BTBD10: variants seen among roughly 807,000 people sequenced by gnomAD.
BTBD10 encodes the protein BTB/POZ domain-containing protein 10.
Under a neutral mutation model 53.2 loss-of-function variants are expected in BTBD10, and 21 were observed. That is an observed-to-expected ratio of 0.39 (90% CI 0.28 to 0.57). The LOEUF is 0.57. Ranked by LOEUF, BTBD10 falls within the 20% of genes least tolerant of loss-of-function variation. The pLI is 0.53. For synonymous variants in BTBD10, 149 were observed against 192.7 expected (o/e 0.77, Z 1.88); for missense variants, 360 against 594.7 (o/e 0.61, Z 4.10).
intron 8 of BTBD10, among the ~76,000 whole-genome samples, chr11:13,400,026 C>T (rs1949672044): frequency 2.0e-5 from 3 of 152,234 alleles, no homozygotes; most frequent in Admixed American, 6.5e-5. Flanking sequence ...TCTGCCCGTT[C>T]TCAGATCTCA....
chr11:13,409,981 G>A (rs72870947), intron 6 of BTBD10, among the ~76,000 whole-genome samples: 23,994 of 152,052 alleles, frequency 0.16, 2,081 homozygotes, highest in Admixed American at 0.24. Flanking sequence ...ATGATACAGT[G>A]GACTCTGGGA....
chr11:13,414,153 C>T (rs906525201), intron 5 of BTBD10, among the ~76,000 whole-genome samples: 4 of 151,906 alleles, frequency 2.6e-5, no homozygotes, highest in Non-Finnish European at 5.9e-5. Context: ...TAAGACATAC[C>T]ATTAGATATT....
intron 2 of BTBD10, among the ~76,000 whole-genome samples, chr11:13,436,659 T>G (rs1042540499): frequency 1.3e-5 from 2 of 152,190 alleles, no homozygotes; most frequent in Non-Finnish European, 2.9e-5. Flanking sequence ...GAGCTCATGC[T>G]CCTAACTTCA....
At chr11:13,458,023 T>C (rs942364775) in intron 1 of BTBD10, among the ~76,000 whole-genome samples, 4 of 151,472 alleles carry the variant, frequency 2.6e-5, no homozygotes, top group Non-Finnish European at 5.9e-5. Flanking sequence ...CCATTCAAGC[T>C]GAGTGTGGCG....
In BTBD10 at chr11:13,419,656, T is replaced by G. The variant is rs772752682; in HGVS notation, c.388A>C (p.Ser130Arg). 3.1e-6 allele frequency: 5 copies of G among 1,614,182 alleles called. No homozygotes were observed. In the African/African-American group the frequency reaches 5.3e-5, roughly 17 times the overall value. ...PNGSISSAGNSSRNSSQSSSD... is the reference protein window; with the variant it reads ...PNGSISSAGNRSRNSSQSSSD... ...CTTGACTGACTACTGTTTCTGCTGC[T>G]GTTCCCAGCACTGCTAATGGAACCA... Residue 130 changes from serine to arginine, a missense_variant, in exon 4 of 9, where the codon AGC becomes CGC. This residue lies in a region of BTBD10 where 109 missense variants were observed against 118.6 expected (regional missense o/e 0.92). Transcript: ENST00000278174.
At chr11:13,457,744 T>A (rs1401622809) in intron 1 of BTBD10, among the ~76,000 whole-genome samples, 1 of 152,162 alleles carries the variant, frequency 6.6e-6, no homozygotes, top group Admixed American at 6.5e-5. Context: ...CATAATGACT[T>A]ACATACTCCA....
chr11:13,406,671 C>T (rs979074279), intron 6 of BTBD10, among the ~76,000 whole-genome samples: 1 of 151,100 alleles, frequency 6.6e-6, no homozygotes, highest in Non-Finnish European at 1.5e-5. Context: ...AACTGGAGAA[C>T]TGGAGAAGGG....
At chr11:13,399,648 C>A (rs1949659185) in intron 8 of BTBD10, among the ~76,000 whole-genome samples, 1 of 152,152 alleles carries the variant, frequency 6.6e-6, no homozygotes. Flanking sequence ...TCCGGTTTTG[C>A]TGCTCTGTTT....
At chr11:13,413,728 G>A (rs1950020612) in intron 5 of BTBD10, 78 bp from the exon 6 acceptor site, 1 of 1,381,350 alleles carries the variant, frequency 7.2e-7, no homozygotes, top group Admixed American at 2.3e-5. Flanking sequence ...GGAAGGGCTG[G>A]TAACATTTTC....
At chr11:13,392,332 A>C (rs1220199107) in intron 8 of BTBD10, among the ~76,000 whole-genome samples, 1 of 152,160 alleles carries the variant, frequency 6.6e-6, no homozygotes, top group Non-Finnish European at 1.5e-5. Flanking sequence ...AGGTAGGCAG[A>C]CAGAGTATCA....
chr11:13,457,156 T>C (rs916071958), intron 1 of BTBD10, among the ~76,000 whole-genome samples: 11 of 151,728 alleles, frequency 7.2e-5, no homozygotes, highest in Non-Finnish European at 1.5e-4. Context: ...AGTGAGACCC[T>C]GTCTCAAAAA....
chr11:13,463,215 G>A lies in BTBD10; in HGVS notation c.-181C>T, dbSNP rs1232530110. The A allele has an allele frequency of 1.3e-5, 2 of 152,220 alleles. No homozygotes were observed. The highest frequency in any genetic ancestry group is 2.9e-5 in the Non-Finnish European group (2 of 68,086). 9.4% of individuals were successfully genotyped at this position (152,220 alleles called of 1,614,324 possible). ...GGTGGCTGTGGAGGAAGCCACTGAG[G>A]CGGCTGCGCGTAGCGGAGCCGCCCC... On this transcript the variant is annotated 5_prime_UTR_variant, in exon 1 of 9. Transcript: ENST00000278174.
chr11:13,444,741 G>A (rs1205243934), intron 2 of BTBD10, among the ~76,000 whole-genome samples: 1 of 152,166 alleles, frequency 6.6e-6, no homozygotes, highest in Non-Finnish European at 1.5e-5. Context: ...AACCTGTCAT[G>A]TGAGAGTCCC....
chr11:13,431,815 C>T (rs1456960478), intron 2 of BTBD10, among the ~76,000 whole-genome samples: 1 of 152,054 alleles, frequency 6.6e-6, no homozygotes, highest in Non-Finnish European at 1.5e-5. Flanking sequence ...TTTTCAATGG[C>T]AGGCAGGTTC....
intron 2 of BTBD10, among the ~76,000 whole-genome samples, chr11:13,438,393 CTT>C (rs1023284248): frequency 3.9e-5 from 6 of 151,934 alleles, no homozygotes; most frequent in Admixed American, 1.3e-4. Context: ...TTAAGACATT[CTT>C]TCTTTTTGGA....
At chr11:13,440,087 C>T (rs1421545220) in intron 2 of BTBD10, 2 of 1,523,524 alleles carry the variant, frequency 1.3e-6, no homozygotes, top group Admixed American at 3.9e-5. Context: ...CCCCAGTCTC[C>T]CCCTACCTCA....
chr11:13,411,714 CTA>C (rs1005657858), intron 6 of BTBD10, among the ~76,000 whole-genome samples: 3 of 152,050 alleles, frequency 2.0e-5, no homozygotes, highest in Non-Finnish European at 4.4e-5. Context: ...TAGTTTTTTT[CTA>C]TCTCTGCCAG....
intron 4 of BTBD10, 49 bp downstream of exon 4, chr11:13,419,402 ATAATGGCAG>A: frequency 6.4e-7 from 1 of 1,565,522 alleles, no homozygotes; most frequent in Non-Finnish European, 8.6e-7. Flanking sequence ...AAACAAAAAA[ATAATGGCAG>A]TAAAAGCACA....
chr11:13,456,756 C>T (rs1950976390), intron 1 of BTBD10, among the ~76,000 whole-genome samples: 1 of 152,154 alleles, frequency 6.6e-6, no homozygotes, highest in South Asian at 2.1e-4. Flanking sequence ...AAAATATGTT[C>T]AACCTCACTC....
Sources: gnomAD v4.1 joint callset for allele counts (sites outside exome capture counted in the v4.1 genomes callset) on GRCh38, gnomAD v4.1.1 for gene constraint, gnomAD v4.1.1 regional missense constraint, MANE v1.5 for transcripts, NCBI Gene and HGNC (gene_info 2026-07-23, HGNC 2026-07-21) for gene names.